UNC13C: variants seen among roughly 807,000 people sequenced by gnomAD.
UNC13C encodes the protein unc-13 homolog C.
Under a neutral mutation model 245.4 loss-of-function variants are expected in UNC13C, and 174 were observed. The ratio of observed to expected loss-of-function variants is 0.71; its 90% CI spans 0.63 to 0.80. UNC13C has a LOEUF of 0.80. Ranked by LOEUF, UNC13C falls within the 30% of genes least tolerant of loss-of-function variation. The pLI is 0.00. For synonymous variants in UNC13C, 992 were observed against 895.1 expected (o/e 1.11, Z -1.93); for missense variants, 2,829 against 2,602.9 (o/e 1.09, Z -1.89).
intron 4 of UNC13C, among the ~76,000 whole-genome samples, chr15:54,158,694 G>C (rs2032853774): frequency 6.6e-6 from 1 of 151,510 alleles, no homozygotes; most frequent in Non-Finnish European, 1.5e-5. Flanking sequence ...CTGTCACTCA[G>C]GCTGGAGTAC....
chr15:54,116,150 A>G (rs972474827), intron 2 of UNC13C, among the ~76,000 whole-genome samples: 2 of 152,184 alleles, frequency 1.3e-5, no homozygotes, highest in East Asian at 1.9e-4. Context: ...TAATTGAAAC[A>G]TAATAGATGT....
the UNC13C span, among the ~76,000 whole-genome samples, chr15:53,841,514 C>A: frequency 1.5e-3 from 231 of 151,970 alleles, 1 homozygote; most frequent in Non-Finnish European, 2.7e-3. Context: ...AACTAATAGA[C>A]ATTAAAGAAG....
chr15:54,262,368 C>A (rs781128493), intron 8 of UNC13C, among the ~76,000 whole-genome samples: 1 of 152,180 alleles, frequency 6.6e-6, no homozygotes, highest in Non-Finnish European at 1.5e-5. Flanking sequence ...GCCTGGCTGT[C>A]ACAGACCAAA....
intron 30 of UNC13C, among the ~76,000 whole-genome samples, chr15:54,581,759 C>T (rs1811567116): frequency 6.6e-6 from 1 of 152,320 alleles, no homozygotes; most frequent in Non-Finnish European, 1.5e-5. Flanking sequence ...TACCCTGAAA[C>T]TACTGAGTCA....
intron 30 of UNC13C, among the ~76,000 whole-genome samples, chr15:54,603,158 A>G (rs939128169): frequency 6.6e-6 from 1 of 152,068 alleles, no homozygotes; most frequent in African/African-American, 2.4e-5. Flanking sequence ...CTCATGGTAA[A>G]TGTTTTCCTT....
intron 30 of UNC13C, among the ~76,000 whole-genome samples, chr15:54,599,360 C>A (rs753940990): frequency 6.6e-6 from 1 of 152,106 alleles, no homozygotes; most frequent in Non-Finnish European, 1.5e-5. Flanking sequence ...TGAACAATTT[C>A]TTCTGCATTT....
chr15:54,433,622 A>G (rs181174336), intron 19 of UNC13C, among the ~76,000 whole-genome samples: 8 of 152,206 alleles, frequency 5.3e-5, no homozygotes, highest in Admixed American at 2.6e-4. Flanking sequence ...CTTATAGGCA[A>G]TATCATACTG....
At chr15:54,018,243 C>A (rs72625708) in intron 2 of UNC13C, among the ~76,000 whole-genome samples, 25,450 of 152,060 alleles carry the variant, frequency 0.17, 2,888 homozygotes, top group African/African-American at 0.32. Context: ...AAGATGCCAA[C>A]ATATTTTTTC....
intron 4 of UNC13C, among the ~76,000 whole-genome samples, chr15:54,144,926 T>G (rs2032189350): frequency 6.6e-6 from 1 of 151,950 alleles, no homozygotes; most frequent in African/African-American, 2.4e-5. Context: ...TAGAGAGATA[T>G]CTATATAATT....
At chr15:54,020,518 C>A (rs978279041) in intron 2 of UNC13C, among the ~76,000 whole-genome samples, 1 of 148,420 alleles carries the variant, frequency 6.7e-6, no homozygotes, top group East Asian at 2.0e-4. Flanking sequence ...CTCCTGACCT[C>A]GTGATCTGCC....
intron 10 of UNC13C, among the ~76,000 whole-genome samples, chr15:54,271,209 G>A (rs1392432090): frequency 6.6e-6 from 1 of 152,134 alleles, no homozygotes; most frequent in African/African-American, 2.4e-5. Flanking sequence ...ACAGAAATCT[G>A]AGTTACAAGG....
At chr15:54,122,310 A>C (rs1006471999) in intron 2 of UNC13C, among the ~76,000 whole-genome samples, 8 of 152,006 alleles carry the variant, frequency 5.3e-5, no homozygotes, top group Non-Finnish European at 1.0e-4. Context: ...TTAGTTTCTT[A>C]AAATGCTTGT....
At position 54,263,194 on chromosome 15, in the gene UNC13C, C is replaced by T. The variant is rs78815336; in HGVS notation, c.3449-974C>T. Among the ~76,000 whole-genome samples the T allele has an allele frequency of 6.0e-3, 917 of 152,226 alleles. 10 individuals carry two copies. Among genetic ancestry groups the T allele is most frequent in the East Asian group, 0.039 (202 of 5,186 alleles). ...TTACTACCTATGAACACAAGTCTTT[C>T]GATTATTTTCACTGTATTTCAGTTG... is the stretch of plus-strand genomic sequence containing the variant. On this transcript the variant is annotated intron_variant, in intron 8 of 32. Transcript: ENST00000260323.
At chr15:54,103,979 G>A (rs1388185990) in intron 2 of UNC13C, among the ~76,000 whole-genome samples, 1 of 152,196 alleles carries the variant, frequency 6.6e-6, no homozygotes, top group Non-Finnish European at 1.5e-5. Context: ...TCTTGACCTC[G>A]TGATCTGCCC....
At chr15:54,326,113 A>G (rs1209285073) in intron 14 of UNC13C, among the ~76,000 whole-genome samples, 1 of 152,042 alleles carries the variant, frequency 6.6e-6, no homozygotes, top group African/African-American at 2.4e-5. Context: ...AAATTCAAGG[A>G]AATAGTGTGA....
chr15:54,390,496 A>G (rs2039931581), intron 17 of UNC13C, among the ~76,000 whole-genome samples: 1 of 152,128 alleles, frequency 6.6e-6, no homozygotes, highest in Non-Finnish European at 1.5e-5. Flanking sequence ...TCAATAATCT[A>G]TTAACAAAAT....
intron 1 of UNC13C, among the ~76,000 whole-genome samples, chr15:53,982,690 CAT>C (rs1282790971): frequency 1.3e-5 from 2 of 152,084 alleles, no homozygotes; most frequent in Non-Finnish European, 2.9e-5. Context: ...TTTCCTGTCT[CAT>C]AGAAAATACT....
chr15:54,083,235 TC>T (rs1899051710), intron 2 of UNC13C, among the ~76,000 whole-genome samples: 1 of 152,038 alleles, frequency 6.6e-6, no homozygotes, highest in African/African-American at 2.4e-5. Flanking sequence ...GCTCAAAACC[TC>T]CAGTTCATTT....
At chr15:54,607,247 T>C (rs995595369) in intron 30 of UNC13C, among the ~76,000 whole-genome samples, 1 of 152,186 alleles carries the variant, frequency 6.6e-6, no homozygotes, top group South Asian at 2.1e-4. Context: ...GAGAGAATCT[T>C]GGTTTGCCAG....
Sources: allele counts gnomAD v4.1 joint callset (sites outside exome capture counted in the v4.1 genomes callset), GRCh38; gene constraint gnomAD v4.1.1; transcripts MANE v1.5; gene names NCBI Gene and HGNC (gene_info 2026-07-23, HGNC 2026-07-21).